The following STK32C variants were observed in gnomAD, a reference collection of about 807,000 sequenced individuals.
The protein encoded by STK32C is serine/threonine kinase 32C, also known as serine/threonine-protein kinase 32C.
Under a neutral mutation model 56.5 loss-of-function variants are expected in STK32C, and 31 were observed. The observed-to-expected ratio is 0.55, with a 90% CI of 0.41 to 0.74. STK32C has a LOEUF of 0.74. Among genes scored for constraint, STK32C ranks in the 30% least tolerant of loss-of-function variants. The pLI is 0.00. For synonymous variants in STK32C, 309 were observed against 289.4 expected, an observed-to-expected ratio of 1.07 and a Z score of -0.69; for missense variants, 544 against 676.9, an observed-to-expected ratio of 0.80 and a Z score of 2.18.
chr10:132,231,292 C>CT (rs1440183204), intron 2 of STK32C, among the ~76,000 whole-genome samples: 1 of 78,224 alleles, frequency 1.3e-5, no homozygotes, highest in Non-Finnish European at 3.3e-5. Context: ...GGGAAACAAA[C>CT]TGCCTGGATG....
chr10:132,253,899 C>T (rs941163913), intron 1 of STK32C, among the ~76,000 whole-genome samples: 1 of 152,268 alleles, frequency 6.6e-6, no homozygotes, highest in East Asian at 1.9e-4. Flanking sequence ...TGCAGGGACC[C>T]GCCTCTGCGT....
downstream of STK32C, among the ~76,000 whole-genome samples, chr10:132,322,557 C>T (rs766030650): frequency 6.6e-6 from 1 of 152,200 alleles, no homozygotes; most frequent in African/African-American, 2.4e-5. Context: ...CTTGCACTGG[C>T]GCATAGCATA....
intron 1 of STK32C, among the ~76,000 whole-genome samples, chr10:132,289,876 G>A (rs1355862666): frequency 1.1e-4 from 17 of 152,126 alleles, no homozygotes; most frequent in Admixed American, 4.6e-4. Flanking sequence ...ACAAACATTC[G>A]GTCCACTCCA....
chr10:132,278,914 A>G (rs1253296692), intron 1 of STK32C, among the ~76,000 whole-genome samples: 1 of 152,192 alleles, frequency 6.6e-6, no homozygotes, highest in African/African-American at 2.4e-5. Context: ...CACGAGGGCC[A>G]CTCATGGTAC....
At chr10:132,309,600 C>G (rs146808276), upstream of STK32C, among the ~76,000 whole-genome samples, 1 of 152,208 alleles carries the variant, frequency 6.6e-6, no homozygotes, top group African/African-American at 2.4e-5. Context: ...TGCTCTCCCT[C>G]AAAGTTGCCA....
At chr10:132,223,036 C>A (rs762761035) in intron 8 of STK32C, 50 bp from the exon 9 acceptor site, 3 of 1,522,726 alleles carry the variant, frequency 2.0e-6, no homozygotes, top group Non-Finnish European at 1.8e-6. Context: ...CCCACCAGCA[C>A]GGAATAGCCC....
intron 1 of STK32C, among the ~76,000 whole-genome samples, chr10:132,249,604 G>A (rs997150343): frequency 6.6e-6 from 1 of 152,196 alleles, no homozygotes; most frequent in African/African-American, 2.4e-5. Context: ...ACTGGCAGGG[G>A]GCTGACCGGC....
At chr10:132,260,281 C>T (rs1326229348) in intron 1 of STK32C, among the ~76,000 whole-genome samples, 4 of 152,192 alleles carry the variant, frequency 2.6e-5, no homozygotes, top group Non-Finnish European at 5.9e-5. Context: ...CCAAAGCCCA[C>T]CCCCAGAGTC....
chr10:132,235,164 G>A (rs1008487400), intron 2 of STK32C, among the ~76,000 whole-genome samples: 1 of 152,180 alleles, frequency 6.6e-6, no homozygotes, highest in African/African-American at 2.4e-5. Flanking sequence ...TATGAGTGGT[G>A]TGCCACCCTT....
intron 10 of STK32C, among the ~76,000 whole-genome samples, chr10:132,217,640 C>G (rs572337458): frequency 6.6e-6 from 1 of 152,046 alleles, no homozygotes; most frequent in Non-Finnish European, 1.5e-5. Context: ...GTGGGAGGAA[C>G]CTGGTGGGAG....
intron 1 of STK32C, among the ~76,000 whole-genome samples, chr10:132,274,349 C>A (rs911846959): frequency 2.6e-5 from 4 of 152,206 alleles, no homozygotes; most frequent in African/African-American, 9.7e-5. Context: ...AAGCAACACA[C>A]CATTGCTAGG....
At chr10:132,241,560 G>GT (rs922184621) in intron 2 of STK32C, among the ~76,000 whole-genome samples, 5 of 152,152 alleles carry the variant, frequency 3.3e-5, no homozygotes, top group South Asian at 2.1e-4. Flanking sequence ...ATCTGAAAAC[G>GT]TAACTCCTAT....
At chr10:132,268,103 G>C (rs2064646111) in intron 1 of STK32C, among the ~76,000 whole-genome samples, 1 of 150,532 alleles carries the variant, frequency 6.6e-6, no homozygotes, top group African/African-American at 2.5e-5. Context: ...GTGCATGCCT[G>C]TGTATGCAGG....
chr10:132,274,069 G>A (rs1207616940), intron 1 of STK32C, among the ~76,000 whole-genome samples: 1 of 152,254 alleles, frequency 6.6e-6, no homozygotes, highest in Non-Finnish European at 1.5e-5. Flanking sequence ...GGTGAAGCAA[G>A]CTGAGGTGCA....
chr10:132,292,946 G>A (rs1261458285), intron 1 of STK32C, among the ~76,000 whole-genome samples: 2 of 150,998 alleles, frequency 1.3e-5, no homozygotes, highest in Non-Finnish European at 3.0e-5. Context: ...GACTCGGTGG[G>A]TGCTCACCTG....
intron 1 of STK32C, among the ~76,000 whole-genome samples, chr10:132,285,972 A>G (rs560867660): frequency 6.6e-6 from 1 of 152,238 alleles, no homozygotes; most frequent in Admixed American, 6.5e-5. Flanking sequence ...AAAAAGCACA[A>G]AAAATCAGCC....
At position 132,222,631 on chromosome 10, in the gene STK32C, T is replaced by C; in HGVS notation, c.1251+10A>G. ...CCGCCGCCGCGCCCTGAGCCTGCCC[T>C]GGCACTCACGGACTGGGAGCTGTCC... On this transcript the variant is annotated intron_variant, in intron 10 of 11. Coordinates refer to ENST00000298630, the MANE Select transcript of STK32C (RefSeq NM_173575.4). The C allele has an allele frequency of 1.9e-6, 3 of 1,611,708 alleles. No individual in the cohort carries two copies. The highest frequency in any genetic ancestry group is 2.5e-6 in the Non-Finnish European group (3 of 1,179,838).
At chr10:132,291,836 C>A (rs1590411422) in intron 1 of STK32C, among the ~76,000 whole-genome samples, 1 of 151,870 alleles carries the variant, frequency 6.6e-6, no homozygotes. Flanking sequence ...CACATGGCCT[C>A]CATGTCCACC....
chr10:132,251,902 G>A (rs528273645), intron 1 of STK32C, among the ~76,000 whole-genome samples: 2 of 140,566 alleles, frequency 1.4e-5, no homozygotes, highest in Admixed American at 1.4e-4. Flanking sequence ...GCAGGTCGAT[G>A]CCCTACGCCT....
Sources: allele counts gnomAD v4.1 joint callset (sites outside exome capture counted in the v4.1 genomes callset), GRCh38; gene constraint gnomAD v4.1.1; transcripts MANE v1.5; gene names NCBI Gene and HGNC (gene_info 2026-07-23, HGNC 2026-07-21).